ZNF10: variants seen among roughly 807,000 people sequenced by gnomAD.
ZNF10 encodes the protein zinc finger protein 10 (KOX 1).
A neutral mutation model predicts 12.2 loss-of-function variants in ZNF10; 8 were observed. The observed-to-expected ratio is 0.66, with a 90% confidence interval of 0.39 to 1.18. The LOEUF (loss-of-function observed/expected upper bound fraction) is 1.18. ZNF10 is among the 50% of genes most tolerant of loss of function. The pLI is 0.01. For synonymous variants in ZNF10, 229 were observed against 228.2 expected (o/e 1.00, Z -0.03); for missense variants, 603 against 678.9 (o/e 0.89, Z 1.24).
At chr12:133,139,389 T>A (rs1955931370) in intron 1 of ZNF10, 1 of 152,174 alleles carries the variant, frequency 6.6e-6, no homozygotes, top group South Asian at 2.1e-4. Context: ...TCACCATAGT[T>A]ATAGGGAAAT....
rs775397562 is a variant in ZNF10, at chr12:133,151,111, C to T, written c.117C>T (p.Tyr39=). The change falls in exon 3 of 5, where the codon TAC becomes TAT. Residue 39 remains tyrosine, a synonymous_variant. Transcript: ENST00000248211. ...TGGACACTGCTCAGCAGATCGTGTA[C>T]AGAAATGTGATGCTGGAGAACTATA... is the stretch of plus-strand genomic sequence containing the variant. ...KLLDTAQQIV[Y]RNVMLENYKN... 20 of 1,613,634 alleles carry T rather than the reference C, an allele frequency of 1.2e-5. No individual in the cohort carries two copies. Among genetic ancestry groups the T allele is most frequent in the African/African-American group, 2.7e-5 (2 of 74,912 alleles).
At chr12:133,143,508 C>T (rs1955958327) in intron 1 of ZNF10, 1 of 151,894 alleles carries the variant, frequency 6.6e-6, no homozygotes, top group African/African-American at 2.4e-5. Context: ...CACTAGGAGA[C>T]CTCCGTTACA....
At chr12:133,135,949 G>T (rs1955908791) in intron 1 of ZNF10, among the ~76,000 whole-genome samples, 1 of 152,186 alleles carries the variant, frequency 6.6e-6, no homozygotes, top group Non-Finnish European at 1.5e-5. Context: ...AGCAGCTTTT[G>T]CTAGTTTGTC....
At chr12:133,137,393 T>C (rs753256253) in intron 1 of ZNF10, among the ~76,000 whole-genome samples, 26 of 152,222 alleles carry the variant, frequency 1.7e-4, no homozygotes, top group Non-Finnish European at 2.6e-4. Flanking sequence ...TTTGCACACC[T>C]CTGGCCCTGT....
chr12:133,154,277 A>C (rs1023744605), intron 4 of ZNF10, among the ~76,000 whole-genome samples: 1 of 152,230 alleles, frequency 6.6e-6, no homozygotes, highest in Admixed American at 6.5e-5. Context: ...TTCAAGAGAA[A>C]TAATTTGCAG....
rs1956059808 is a variant in ZNF10, at chr12:133,159,359, T to G, written c.*2391T>G. 1.3e-5 allele frequency: 2 copies of G among 152,198 alleles called. No homozygotes were observed. 9.4% of individuals were successfully genotyped at this position (152,198 alleles called of 1,614,324 possible). A position where few individuals can be genotyped will look rare whatever the true frequency, so the allele number is the denominator to read the frequency against. On this transcript the variant is annotated 3_prime_UTR_variant, in exon 5 of 5. Coordinates refer to ENST00000248211, the MANE Select transcript of ZNF10 (RefSeq NM_015394.5). ...TAAAATATGTACACAAAAAGTTTGG[T>G]AAAGGAAAAATGCTGTCATGTGTTA...
intron 2 of ZNF10, among the ~76,000 whole-genome samples, chr12:133,150,365 A>G (rs6560924): frequency 0.6 from 91,553 of 152,052 alleles, 28,522 homozygotes; most frequent in African/African-American, 0.72. Flanking sequence ...TGTTCTTTCA[A>G]CATTTAAAAA....
At chr12:133,138,766 A>C (rs944466683) in intron 1 of ZNF10, among the ~76,000 whole-genome samples, 3 of 152,168 alleles carry the variant, frequency 2.0e-5, no homozygotes, top group Non-Finnish European at 4.4e-5. Flanking sequence ...CCCATGTCTG[A>C]ATGGCTACTA....
chr12:133,149,165 C>T (rs1955993627), intron 2 of ZNF10, among the ~76,000 whole-genome samples: 1 of 152,004 alleles, frequency 6.6e-6, no homozygotes, highest in African/African-American at 2.4e-5. Flanking sequence ...TATCACAGCT[C>T]ACTGCAGTCT....
At chr12:133,134,364 A>T (rs1955899143) in intron 1 of ZNF10, among the ~76,000 whole-genome samples, 1 of 152,094 alleles carries the variant, frequency 6.6e-6, no homozygotes, top group South Asian at 2.1e-4. Flanking sequence ...GGGAAATATA[A>T]CCATGAAAGA....
intron 1 of ZNF10, among the ~76,000 whole-genome samples, chr12:133,142,451 C>G (rs903730327): frequency 6.8e-6 from 1 of 146,276 alleles, no homozygotes; most frequent in East Asian, 2.0e-4. Flanking sequence ...ATTTGCAAAT[C>G]ATGTATCTGT....
intron 1 of ZNF10, among the ~76,000 whole-genome samples, chr12:133,142,641 A>G (rs1247816310): frequency 6.6e-6 from 1 of 152,158 alleles, no homozygotes; most frequent in Non-Finnish European, 1.5e-5. Context: ...AACTACAATG[A>G]GATGTCACTT....
intron 1 of ZNF10, among the ~76,000 whole-genome samples, chr12:133,137,145 G>C (rs1378371372): frequency 6.6e-6 from 1 of 152,082 alleles, no homozygotes; most frequent in Non-Finnish European, 1.5e-5. Flanking sequence ...AAATCTACCT[G>C]CTCTCCATTT....
intron 1 of ZNF10, among the ~76,000 whole-genome samples, chr12:133,135,181 A>G (rs1955903839): frequency 6.6e-6 from 1 of 152,186 alleles, no homozygotes; most frequent in Non-Finnish European, 1.5e-5. Flanking sequence ...GTGTGCGCAT[A>G]TAGAATTGTC....
At chr12:133,151,189 T>C (rs1436581460) in intron 3 of ZNF10, 35 bp downstream of exon 3, 1 of 1,595,176 alleles carries the variant, frequency 6.3e-7, no homozygotes, top group Admixed American at 1.7e-5. Flanking sequence ...ATTTTGGTTC[T>C]CCATTGATCA....
At chr12:133,147,202 C>A (rs977019981) in intron 2 of ZNF10, among the ~76,000 whole-genome samples, 2 of 152,172 alleles carry the variant, frequency 1.3e-5, no homozygotes, top group Non-Finnish European at 2.9e-5. Flanking sequence ...ATAAATAAAG[C>A]CCTTTCTCAG....
chr12:133,142,042 A>G (rs889746796), intron 1 of ZNF10, among the ~76,000 whole-genome samples: 1 of 152,218 alleles, frequency 6.6e-6, no homozygotes, highest in African/African-American at 2.4e-5. Context: ...AAGTACTGAA[A>G]GAAAAAAATA....
intron 1 of ZNF10, among the ~76,000 whole-genome samples, chr12:133,141,847 C>T (rs947473518): frequency 5.9e-5 from 9 of 151,958 alleles, no homozygotes; most frequent in Non-Finnish European, 1.5e-5. Flanking sequence ...GCTCAAGGAA[C>T]CCTAAACTCC....
intron 1 of ZNF10, among the ~76,000 whole-genome samples, chr12:133,136,356 T>C (rs1399925279): frequency 1.3e-5 from 2 of 152,236 alleles, no homozygotes; most frequent in Non-Finnish European, 2.9e-5. Context: ...CACTAGTGTA[T>C]TGAAACTGAT....
Sources: gnomAD v4.1 joint callset for allele counts (sites outside exome capture counted in the v4.1 genomes callset) on GRCh38, gnomAD v4.1.1 for gene constraint, MANE v1.5 for transcripts, NCBI Gene and HGNC (gene_info 2026-07-23, HGNC 2026-07-21) for gene names.